PTPRK: variants seen among roughly 807,000 people sequenced by gnomAD.
The protein encoded by PTPRK is protein tyrosine phosphatase receptor type K, also known as receptor-type tyrosine-protein phosphatase kappa.
PTPRK carries 75 observed loss-of-function variants against 178.0 expected under a neutral mutation model. The ratio of observed to expected loss-of-function variants is 0.42; its 90% CI spans 0.35 to 0.51. The LOEUF (loss-of-function observed/expected upper bound fraction) is 0.51. Ranked by LOEUF, PTPRK falls within the 20% of genes least tolerant of loss-of-function variation. The probability of loss-of-function intolerance (pLI) is 0.02; values close to 1 mark genes in which losing one functional copy is unlikely to be tolerated. For synonymous variants in PTPRK, 637 were observed against 620.6 expected, an observed-to-expected ratio of 1.03 and a Z score of -0.39; for missense variants, 1,441 against 1,797.8, an observed-to-expected ratio of 0.80 and a Z score of 3.59.
intron 3 of PTPRK, among the ~76,000 whole-genome samples, chr6:128,257,158 A>T (rs1817467952): frequency 6.6e-6 from 1 of 151,068 alleles, no homozygotes; most frequent in Non-Finnish European, 1.5e-5. Flanking sequence ...TGAACATGGG[A>T]GGCGGAGATT....
intron 4 of PTPRK, chr6:128,241,206 T>C (rs1395859034): frequency 5.6e-6 from 3 of 532,682 alleles, no homozygotes; most frequent in African/African-American, 3.8e-5. Context: ...TGGCTACATC[T>C]TTCTCTAGTG....
At chr6:128,381,465 A>C (rs968432219) in intron 2 of PTPRK, among the ~76,000 whole-genome samples, 1 of 152,162 alleles carries the variant, frequency 6.6e-6, no homozygotes, top group Non-Finnish European at 1.5e-5. Context: ...TTGTGATGAG[A>C]AAGTGCAATT....
chr6:128,409,339 A>G (rs907256606), intron 1 of PTPRK: 12 of 454,924 alleles, frequency 2.6e-5, no homozygotes, highest in African/African-American at 2.4e-4. Flanking sequence ...TTTTCTGAAG[A>G]TAAAATCAGA....
At chr6:128,415,413 T>C (rs1207273909) in intron 1 of PTPRK, among the ~76,000 whole-genome samples, 1 of 152,016 alleles carries the variant, frequency 6.6e-6, no homozygotes, top group East Asian at 1.9e-4. Context: ...TTTCTTTTAA[T>C]GAATAAGTTA....
intron 6 of PTPRK, among the ~76,000 whole-genome samples, chr6:128,185,864 T>C (rs78830119): frequency 0.038 from 5,710 of 152,156 alleles, 360 homozygotes; most frequent in African/African-American, 0.13. Flanking sequence ...ATGAAAAATA[T>C]ACAATGCAAA....
intron 7 of PTPRK, among the ~76,000 whole-genome samples, chr6:128,134,794 A>C (rs911798078): frequency 6.6e-6 from 1 of 152,076 alleles, no homozygotes; most frequent in African/African-American, 2.4e-5. Context: ...ACAGAGTAAG[A>C]CCCTATCTTA....
At chr6:128,459,426 C>A (rs1398186169) in intron 1 of PTPRK, among the ~76,000 whole-genome samples, 1 of 152,202 alleles carries the variant, frequency 6.6e-6, no homozygotes, top group Non-Finnish European at 1.5e-5. Flanking sequence ...TCTCCCACCA[C>A]CTGGATCTCT....
chr6:128,357,249 AG>A (rs150812997), intron 2 of PTPRK, among the ~76,000 whole-genome samples: 17 of 152,214 alleles, frequency 1.1e-4, no homozygotes, highest in Admixed American at 2.6e-4. Flanking sequence ...TATTAAATCA[AG>A]GTTTCAAGTC....
chr6:128,153,219 C>T (rs567533972), intron 7 of PTPRK, among the ~76,000 whole-genome samples: 7 of 151,792 alleles, frequency 4.6e-5, no homozygotes, highest in African/African-American at 1.4e-4. Context: ...AAAGACTAGA[C>T]ACTTGAGAAA....
At chr6:128,162,961 TTA>T (rs1412004013) in intron 7 of PTPRK, among the ~76,000 whole-genome samples, 3 of 151,554 alleles carry the variant, frequency 2.0e-5, no homozygotes, top group African/African-American at 7.2e-5. Flanking sequence ...TGTTAATGTT[TTA>T]TATATAATAC....
At chr6:128,381,372 C>T (rs1007207380) in intron 2 of PTPRK, among the ~76,000 whole-genome samples, 2 of 152,040 alleles carry the variant, frequency 1.3e-5, no homozygotes, top group South Asian at 4.1e-4. Flanking sequence ...GAGTGCAAAG[C>T]AACTGTACTC....
intron 6 of PTPRK, among the ~76,000 whole-genome samples, chr6:128,208,078 A>G (rs990349971): frequency 6.6e-6 from 1 of 152,108 alleles, no homozygotes; most frequent in African/African-American, 2.4e-5. Context: ...CCTGCTTTAC[A>G]TCTTTACCAT....
At chr6:128,447,800 T>A (rs2128403935) in intron 1 of PTPRK, among the ~76,000 whole-genome samples, 1 of 152,132 alleles carries the variant, frequency 6.6e-6, no homozygotes. Flanking sequence ...ATTTTTGTAT[T>A]TTTAGTAGAG....
intron 7 of PTPRK, among the ~76,000 whole-genome samples, chr6:128,156,749 A>C (rs538331751): frequency 8.1e-4 from 124 of 152,148 alleles, no homozygotes; most frequent in African/African-American, 2.9e-3. Flanking sequence ...TATTTAAAGC[A>C]ATTATATAAA....
chr6:127,972,841 G>A (rs189239947), intron 29 of PTPRK, among the ~76,000 whole-genome samples, 181 bp downstream of exon 29: 1 of 145,504 alleles, frequency 6.9e-6, no homozygotes, highest in East Asian at 1.9e-4. Context: ...TATGCAATAC[G>A]TGATTAAGTG....
At chr6:128,257,349 G>A (rs1817506374) in intron 3 of PTPRK, among the ~76,000 whole-genome samples, 2 of 151,990 alleles carry the variant, frequency 1.3e-5, no homozygotes, top group African/African-American at 4.8e-5. Context: ...TGAAGGTGTT[G>A]TAATGCCTTT....
At chr6:128,390,126 A>AT (rs1249462471) in intron 2 of PTPRK, among the ~76,000 whole-genome samples, 1 of 152,122 alleles carries the variant, frequency 6.6e-6, no homozygotes, top group Admixed American at 6.6e-5. Context: ...TAAGCCCATA[A>AT]TTCTCATCCT....
At chr6:128,456,576 GAAGAT>G (rs1194361241) in intron 1 of PTPRK, among the ~76,000 whole-genome samples, 2 of 151,892 alleles carry the variant, frequency 1.3e-5, no homozygotes, top group African/African-American at 2.4e-5. Flanking sequence ...CTCAAGTATG[GAAGAT>G]AAGATAACTA....
chr6:127,997,105 C>A (rs756868553), intron 16 of PTPRK, 117 bp from the exon 17 acceptor site: 3 of 965,594 alleles, frequency 3.1e-6, no homozygotes, highest in Non-Finnish European at 3.1e-6. Context: ...AGCAGTCCTA[C>A]AGTAGTAAAC....
Sources: allele counts gnomAD v4.1 joint callset (sites outside exome capture counted in the v4.1 genomes callset), GRCh38; gene constraint gnomAD v4.1.1; transcripts MANE v1.5; gene names NCBI Gene and HGNC (gene_info 2026-07-23, HGNC 2026-07-21).